Variants in GNB1 observed in about 807,000 individuals in gnomAD.
GNB1 encodes G protein subunit beta 1, also known as guanine nucleotide-binding protein G(I)/G(S)/G(T) subunit beta-1.
Under a neutral mutation model 42.9 loss-of-function variants are expected in GNB1, and 2 were observed. That is an observed-to-expected ratio of 0.05 (90% confidence interval 0.02 to 0.15). GNB1 has a LOEUF of 0.15. GNB1 is among the 10% of genes least tolerant of loss of function. The pLI is 1.00. For missense variants in GNB1, 193 were observed against 462.2 expected (o/e 0.42, Z 5.34); for synonymous variants, 183 against 174.7 (o/e 1.05, Z -0.38).
intron 3 of GNB1, 141 bp from the exon 4 acceptor site, chr1:1,818,016 G>C (rs1330774868): frequency 3.1e-6 from 2 of 650,726 alleles, no homozygotes; most frequent in South Asian, 1.7e-5. Flanking sequence ...GAGTCTCCTT[G>C]CATCTCAACA....
chr1:1,823,292 A>T (rs2100969709), intron 3 of GNB1, among the ~76,000 whole-genome samples: 1 of 151,674 alleles, frequency 6.6e-6, no homozygotes, highest in African/African-American at 2.4e-5. Context: ...GATGAAATAT[A>T]GTCTCAAAAG....
intron 1 of GNB1, among the ~76,000 whole-genome samples, chr1:1,848,248 G>A (rs188512309): frequency 6.5e-4 from 98 of 151,470 alleles, no homozygotes; most frequent in African/African-American, 2.3e-3. Context: ...GCATGGTGGC[G>A]GGCGCCTGTA....
rs1570619139 is a variant in GNB1 at position 1,790,063 on chromosome 1, T to C, written c.699+332A>G. 6.6e-6 allele frequency among the ~76,000 whole-genome samples: 1 copy of C among 152,050 alleles called. No homozygotes were observed. Among genetic ancestry groups the C allele is most frequent in the South Asian group, 2.1e-4 (1 of 4,828 alleles). On this transcript the variant is annotated intron_variant, in intron 9 of 11. Transcript: ENST00000378609. The surrounding 1 kb of genome is among the most constrained non-coding windows in gnomAD (Gnocchi z 5.4). ...TCCGCGTGCTAAAGAGGAGGGCAGG[T>C]TCCCTGGTTAGCTGTGCCCCTGACC...
intron 2 of GNB1, among the ~76,000 whole-genome samples, chr1:1,838,023 T>C (rs1443948689): frequency 6.7e-6 from 1 of 149,268 alleles, no homozygotes; most frequent in Non-Finnish European, 1.5e-5. Context: ...ACCAACATGG[T>C]GAAACCCCGT....
intron 1 of GNB1, among the ~76,000 whole-genome samples, chr1:1,872,629 A>G (rs1260332285): frequency 6.6e-6 from 1 of 152,056 alleles, no homozygotes; most frequent in Non-Finnish European, 1.5e-5. Flanking sequence ...CTCCACCTGA[A>G]GCATAGGGGC....
chr1:1,859,587 C>T (rs148227360), intron 1 of GNB1, among the ~76,000 whole-genome samples: 15 of 151,360 alleles, frequency 9.9e-5, no homozygotes, highest in African/African-American at 2.9e-4. Context: ...AGGGATGAGA[C>T]GCCAACGGAG....
intron 3 of GNB1, among the ~76,000 whole-genome samples, chr1:1,820,544 C>T (rs1182342870): frequency 6.6e-6 from 1 of 152,026 alleles, no homozygotes; most frequent in Non-Finnish European, 1.5e-5. Flanking sequence ...ATGAAGAATA[C>T]TTAGAGCAGC....
At chr1:1,876,720 G>A (rs1347053694) in intron 1 of GNB1, among the ~76,000 whole-genome samples, 4 of 152,132 alleles carry the variant, frequency 2.6e-5, no homozygotes, top group Non-Finnish European at 5.9e-5. Flanking sequence ...CAGTAGTAGC[G>A]GTACTGGAAG....
At chr1:1,797,857 G>A (rs1265832228) in intron 7 of GNB1, among the ~76,000 whole-genome samples, 1 of 152,236 alleles carries the variant, frequency 6.6e-6, no homozygotes, top group Non-Finnish European at 1.5e-5. Context: ...AGGCGCACAG[G>A]ACACACTGAA....
intron 1 of GNB1, among the ~76,000 whole-genome samples, chr1:1,850,963 T>C (rs1647945948): frequency 1.3e-5 from 2 of 152,200 alleles, no homozygotes; most frequent in Admixed American, 6.5e-5. Context: ...TGGCACCATG[T>C]ATTTTTCTCA....
chr1:1,821,243 T>TG (rs1646927026), intron 3 of GNB1, among the ~76,000 whole-genome samples: 1 of 152,230 alleles, frequency 6.6e-6, no homozygotes, highest in African/African-American at 2.4e-5. Flanking sequence ...TCCCTTGCAC[T>TG]GGCTGGCATG....
At chr1:1,825,314 C>T in intron 3 of GNB1, 83 bp downstream of exon 3, 1 of 942,090 alleles carries the variant, frequency 1.1e-6, no homozygotes, top group Non-Finnish European at 1.8e-6. Flanking sequence ...ACAAGTCATC[C>T]TGTAAACCAT....
At chr1:1,824,457 G>A (rs534842501) in intron 3 of GNB1, among the ~76,000 whole-genome samples, 14 of 152,224 alleles carry the variant, frequency 9.2e-5, no homozygotes, top group African/African-American at 2.6e-4. Context: ...AAAAGTTTAT[G>A]AACTCTGCAA....
chr1:1,823,287 AAT>A (rs1646957501), intron 3 of GNB1, among the ~76,000 whole-genome samples: 1 of 151,796 alleles, frequency 6.6e-6, no homozygotes, highest in African/African-American at 2.4e-5. Flanking sequence ...TATAAGATGA[AAT>A]ATAGTCTCAA....
chr1:1,866,682 C>T (rs889808452), intron 1 of GNB1, among the ~76,000 whole-genome samples: 2 of 151,528 alleles, frequency 1.3e-5, no homozygotes, highest in Non-Finnish European at 1.5e-5. Flanking sequence ...TGGCCGGGCG[C>T]GGTGGCTCAC....
At chr1:1,837,881 A>T (rs1178301536) in intron 2 of GNB1, among the ~76,000 whole-genome samples, 1 of 151,484 alleles carries the variant, frequency 6.6e-6, no homozygotes, top group Non-Finnish European at 1.5e-5. Context: ...TCTGTACATG[A>T]TGTCAAGTTC....
intron 1 of GNB1, among the ~76,000 whole-genome samples, chr1:1,840,530 AACAC>A (rs1256014597): frequency 1.1e-4 from 16 of 152,250 alleles, no homozygotes; most frequent in African/African-American, 3.6e-4. Flanking sequence ...TCTGTCTCAA[AACAC>A]ACACGCACAC....
intron 1 of GNB1, among the ~76,000 whole-genome samples, chr1:1,884,591 A>G (rs1650042053): frequency 6.6e-6 from 1 of 152,208 alleles, no homozygotes; most frequent in Non-Finnish European, 1.5e-5. Flanking sequence ...TATATTTTCT[A>G]AGTGCTACAG....
intron 1 of GNB1, among the ~76,000 whole-genome samples, chr1:1,867,550 T>A (rs1436120461): frequency 6.6e-6 from 1 of 152,224 alleles, no homozygotes; most frequent in Non-Finnish European, 1.5e-5. Context: ...TTATAACTAA[T>A]TTTATAATAA....
Sources: gnomAD v4.1 joint callset for allele counts (sites outside exome capture counted in the v4.1 genomes callset) on GRCh38, gnomAD v4.1.1 for gene constraint, Gnocchi (gnomAD v3.1) non-coding constraint, MANE v1.5 for transcripts, NCBI Gene and HGNC (gene_info 2026-07-23, HGNC 2026-07-21) for gene names.